Variants in UNC13C observed in about 807,000 individuals in gnomAD.
The protein encoded by UNC13C is protein unc-13 homolog C.
UNC13C carries 174 observed loss-of-function variants against 245.4 expected under a neutral mutation model. The ratio of observed to expected loss-of-function variants is 0.71; its 90% CI spans 0.63 to 0.80. The LOEUF (loss-of-function observed/expected upper bound fraction) is 0.80, where lower values mean the gene tolerates loss of function less well. UNC13C is among the 30% of genes least tolerant of loss of function. The pLI is 0.00. For missense variants in UNC13C, 2,829 were observed against 2,602.9 expected, an observed-to-expected ratio of 1.09 and a Z score of -1.89; for synonymous variants, 992 against 895.1, an observed-to-expected ratio of 1.11 and a Z score of -1.93.
chr15:53,845,459 A>T, the UNC13C span, among the ~76,000 whole-genome samples: 1 of 152,170 alleles, frequency 6.6e-6, no homozygotes, highest in Non-Finnish European at 1.5e-5. Context: ...GGAAGACAAC[A>T]CAGCCCTCCT....
intron 19 of UNC13C, among the ~76,000 whole-genome samples, chr15:54,451,985 G>GGT (rs1891205449): frequency 6.6e-6 from 1 of 152,190 alleles, no homozygotes; most frequent in African/African-American, 2.4e-5. Flanking sequence ...TTGATTCTCA[G>GGT]TGCATGCAGT....
At chr15:54,041,663 G>A (rs139898354) in intron 2 of UNC13C, among the ~76,000 whole-genome samples, 106 of 152,264 alleles carry the variant, frequency 7.0e-4, no homozygotes, top group Middle Eastern at 3.4e-3. Context: ...CATTGGCCAA[G>A]TTGCTTATCT....
chr15:54,597,752 AATG>A (rs1241475562), intron 30 of UNC13C, among the ~76,000 whole-genome samples: 2 of 152,208 alleles, frequency 1.3e-5, no homozygotes, highest in Admixed American at 1.3e-4. Context: ...TACTAACATT[AATG>A]ATGATTTCAG....
chr15:54,375,337 A>T (rs2039582533), intron 17 of UNC13C, among the ~76,000 whole-genome samples: 1 of 152,202 alleles, frequency 6.6e-6, no homozygotes, highest in African/African-American at 2.4e-5. Context: ...TGTTGAAATA[A>T]ATTTAACCCT....
At chr15:53,886,263 AGGACTGGGGCAT>A in the UNC13C span, among the ~76,000 whole-genome samples, 1 of 152,168 alleles carries the variant, frequency 6.6e-6, no homozygotes, top group Non-Finnish European at 1.5e-5. Flanking sequence ...GACTGCTTCT[AGGACTGGGGCAT>A]ATACAAGATG....
chr15:54,053,911 G>C (rs938215437), intron 2 of UNC13C, among the ~76,000 whole-genome samples: 3 of 152,040 alleles, frequency 2.0e-5, no homozygotes, highest in Non-Finnish European at 2.9e-5. Context: ...TCTGTGCCTG[G>C]CTTATTTCAC....
the UNC13C span, chr15:53,911,084 C>CTGGCAGCCAGA: frequency 6.6e-6 from 1 of 152,232 alleles, no homozygotes; most frequent in Non-Finnish European, 1.5e-5. Flanking sequence ...AGAAGGAATG[C>CTGGCAGCCAGA]ACCTTTGCTG....
At chr15:54,101,684 G>C (rs981518570) in intron 2 of UNC13C, among the ~76,000 whole-genome samples, 2 of 151,896 alleles carry the variant, frequency 1.3e-5, no homozygotes, top group Non-Finnish European at 2.9e-5. Context: ...AAGTTCAAGC[G>C]ATTCTCCTGC....
the UNC13C span, among the ~76,000 whole-genome samples, chr15:53,895,136 G>C: frequency 6.6e-6 from 1 of 151,858 alleles, no homozygotes; most frequent in Non-Finnish European, 1.5e-5. Context: ...GACCAAGGTG[G>C]GCAGATCACT....
At chr15:54,588,506 CT>C (rs546210486) in intron 30 of UNC13C, among the ~76,000 whole-genome samples, 2 of 151,862 alleles carry the variant, frequency 1.3e-5, no homozygotes, top group Non-Finnish European at 2.9e-5. Context: ...ATAGTAAATT[CT>C]TTTTTTTCCA....
chr15:54,415,503 C>T (rs1204453209), intron 19 of UNC13C, among the ~76,000 whole-genome samples: 1 of 152,154 alleles, frequency 6.6e-6, no homozygotes, highest in Non-Finnish European at 1.5e-5. Context: ...CCCGAAACTC[C>T]ACTCTGAATA....
At chr15:54,389,183 C>G (rs1180965514) in intron 17 of UNC13C, among the ~76,000 whole-genome samples, 1 of 152,176 alleles carries the variant, frequency 6.6e-6, no homozygotes, top group Non-Finnish European at 1.5e-5. Context: ...TGTGAAAAGT[C>G]TGGCACGATG....
At chr15:54,048,555 T>G (rs945740203) in intron 2 of UNC13C, 8 of 492,296 alleles carry the variant, frequency 1.6e-5, no homozygotes, top group Non-Finnish European at 2.3e-5. Flanking sequence ...TGGAAGACTT[T>G]TTATAGAATT....
intron 19 of UNC13C, among the ~76,000 whole-genome samples, chr15:54,470,721 T>C (rs1399365011): frequency 2.0e-5 from 3 of 151,432 alleles, no homozygotes; most frequent in Non-Finnish European, 4.4e-5. Context: ...GTCTTTTAAA[T>C]TGCTTTTCTA....
chr15:54,126,094 C>T (rs1485639154), intron 2 of UNC13C, among the ~76,000 whole-genome samples: 1 of 152,002 alleles, frequency 6.6e-6, no homozygotes, highest in East Asian at 1.9e-4. Flanking sequence ...GGAGAACAAA[C>T]AGATGACAAA....
chr15:53,853,113 C>A, the UNC13C span, among the ~76,000 whole-genome samples: 1 of 151,916 alleles, frequency 6.6e-6, no homozygotes, highest in Non-Finnish European at 1.5e-5. Context: ...CAGAGATCAA[C>A]CCATCATCTA....
At chr15:54,476,385 T>A (rs1043315318) in intron 19 of UNC13C, among the ~76,000 whole-genome samples, 1 of 150,494 alleles carries the variant, frequency 6.6e-6, no homozygotes, top group Non-Finnish European at 1.5e-5. Context: ...TCCTTGCCCA[T>A]GCCTATGTCT....
intron 32 of UNC13C, among the ~76,000 whole-genome samples, chr15:54,626,114 G>T (rs1309177446): frequency 2.6e-5 from 4 of 152,042 alleles, no homozygotes; most frequent in African/African-American, 9.7e-5. Flanking sequence ...ATATGAGAAT[G>T]AACAAAAATA....
chr15:54,403,616 T>C (rs554047753), intron 18 of UNC13C, among the ~76,000 whole-genome samples: 1 of 145,522 alleles, frequency 6.9e-6, no homozygotes, highest in South Asian at 2.2e-4. Flanking sequence ...TTAGGGAGGC[T>C]GAGGCGGAAG....
Sources: gnomAD v4.1 joint callset for allele counts (sites outside exome capture counted in the v4.1 genomes callset) on GRCh38, gnomAD v4.1.1 for gene constraint, MANE v1.5 for transcripts, NCBI Gene and HGNC (gene_info 2026-07-23, HGNC 2026-07-21) for gene names.